ETFA: variants seen among roughly 807,000 people sequenced by gnomAD.
The protein encoded by ETFA is electron transfer flavoprotein subunit alpha.
Under a neutral mutation model 46.2 loss-of-function variants are expected in ETFA, and 22 were observed. That is an observed-to-expected ratio of 0.48 (90% CI 0.34 to 0.68). ETFA has a LOEUF of 0.68. ETFA is among the 30% of genes least tolerant of loss of function. The pLI, the probability that ETFA is intolerant of heterozygous loss-of-function variation, is 0.01. For missense variants in ETFA, 345 were observed against 401.1 expected (o/e 0.86, Z 1.19); for synonymous variants, 131 against 139.9 (o/e 0.94, Z 0.45).
At chr15:76,220,182 T>C (rs1394216932) in intron 11 of ETFA, among the ~76,000 whole-genome samples, 2 of 152,252 alleles carry the variant, frequency 1.3e-5, no homozygotes, top group African/African-American at 4.8e-5. Flanking sequence ...TTCTTCCATC[T>C]CAGCCTCCCG....
rs1233062634 is a variant in ETFA, at chr15:76,247,198, T to TA, written c.817-15801_817-15800insT. Among the ~76,000 whole-genome samples, 47 of 137,602 alleles carry TA rather than the reference T, an allele frequency of 3.4e-4. No individual in the cohort carries two copies. In the East Asian group the frequency reaches 0.011, roughly 32 times the overall value. The allele number at this position is 137,602 out of a possible 152,430, so 90.3% of individuals were successfully genotyped here. A position where few individuals can be genotyped will look rare whatever the true frequency, so the allele number is the denominator to read the frequency against. On this transcript the variant is annotated intron_variant, in intron 9 of 11. Coordinates refer to ENST00000557943, the MANE Select transcript of ETFA (RefSeq NM_000126.4). ...TAAACCCAGGAGTCACTATTCAAAT[T>TA]TAAAAAAACAACTATCAAGGATTTG...
intron 1 of ETFA, among the ~76,000 whole-genome samples, chr15:76,303,710 A>G (rs992359320): frequency 1.3e-5 from 2 of 152,250 alleles, no homozygotes; most frequent in Non-Finnish European, 2.9e-5. Context: ...CTCAACATTA[A>G]CTAATCATTA....
chr15:76,256,864 C>T (rs1049664754), intron 9 of ETFA, among the ~76,000 whole-genome samples: 12 of 152,142 alleles, frequency 7.9e-5, no homozygotes, highest in African/African-American at 2.9e-4. Flanking sequence ...CAATTGTCTA[C>T]AGTATTGAGT....
chr15:76,268,119 G>A (rs1015675272), intron 9 of ETFA, among the ~76,000 whole-genome samples: 1 of 145,532 alleles, frequency 6.9e-6, no homozygotes, highest in Non-Finnish European at 1.5e-5. Context: ...CTTTTACCCC[G>A]CAGTAATTAA....
intron 10 of ETFA, among the ~76,000 whole-genome samples, chr15:76,229,514 C>A (rs2039042895): frequency 6.6e-6 from 1 of 152,216 alleles, no homozygotes; most frequent in Non-Finnish European, 1.5e-5. Flanking sequence ...CAGGCAGAAT[C>A]TTTTATTTTT....
chr15:76,282,677 G>A (rs1034851128), intron 8 of ETFA, among the ~76,000 whole-genome samples: 3 of 152,020 alleles, frequency 2.0e-5, no homozygotes, highest in Non-Finnish European at 2.9e-5. Context: ...TAGAAATTTC[G>A]CACAGGAAAA....
intron 9 of ETFA, among the ~76,000 whole-genome samples, chr15:76,258,028 G>T (rs941078337): frequency 8.3e-6 from 1 of 120,676 alleles, no homozygotes; most frequent in Non-Finnish European, 1.7e-5. Context: ...GTGGGGTGGG[G>T]GGAGGGGGGG....
chr15:76,255,094 A>G (rs964118565), intron 9 of ETFA, among the ~76,000 whole-genome samples: 1 of 152,220 alleles, frequency 6.6e-6, no homozygotes, highest in African/African-American at 2.4e-5. Context: ...AGCAACAACC[A>G]TGTCTAAAGA....
intron 9 of ETFA, among the ~76,000 whole-genome samples, chr15:76,237,552 C>T (rs745928387): frequency 6.6e-6 from 1 of 152,148 alleles, no homozygotes; most frequent in Non-Finnish European, 1.5e-5. Flanking sequence ...CATTCTTGAG[C>T]AAATTATTCA....
At chr15:76,227,102 T>C (rs1181707033) in intron 10 of ETFA, among the ~76,000 whole-genome samples, 1 of 151,858 alleles carries the variant, frequency 6.6e-6, no homozygotes, top group Non-Finnish European at 1.5e-5. Context: ...GCTATAAAAA[T>C]ATTCTTAAAT....
chr15:76,291,261 G>A (rs1179041629), intron 4 of ETFA, among the ~76,000 whole-genome samples: 2 of 151,712 alleles, frequency 1.3e-5, no homozygotes, highest in African/African-American at 2.4e-5. Flanking sequence ...TGGTCAACAC[G>A]GCGAAACCCT....
chr15:76,229,774 A>C (rs558318930), intron 10 of ETFA, among the ~76,000 whole-genome samples: 3 of 152,214 alleles, frequency 2.0e-5, no homozygotes, highest in Admixed American at 6.5e-5. Flanking sequence ...AATTAGAAGA[A>C]GTTAAGCCTG....
intron 9 of ETFA, among the ~76,000 whole-genome samples, chr15:76,249,010 T>C (rs1272572268): frequency 6.6e-6 from 1 of 152,076 alleles, no homozygotes; most frequent in African/African-American, 2.4e-5. Context: ...TGTAAAGATA[T>C]CTCACTAGTA....
At chr15:76,243,167 T>C (rs1049965695) in intron 9 of ETFA, among the ~76,000 whole-genome samples, 1 of 151,988 alleles carries the variant, frequency 6.6e-6, no homozygotes, top group Non-Finnish European at 1.5e-5. Flanking sequence ...TGGTGGCACA[T>C]GCCTGTAGTC....
intron 8 of ETFA, among the ~76,000 whole-genome samples, chr15:76,277,509 A>AC: frequency 6.6e-6 from 1 of 151,956 alleles, no homozygotes; most frequent in Non-Finnish European, 1.5e-5. Context: ...AAAAACAAAA[A>AC]AAAAAAACAA....
At chr15:76,289,902 C>A (rs959241756) in intron 4 of ETFA, among the ~76,000 whole-genome samples, 9 of 152,180 alleles carry the variant, frequency 5.9e-5, no homozygotes, top group Non-Finnish European at 1.0e-4. Flanking sequence ...TAGCTAATGA[C>A]AAACACCCTT....
intron 8 of ETFA, among the ~76,000 whole-genome samples, chr15:76,281,783 C>T (rs891750655): frequency 6.6e-6 from 1 of 152,000 alleles, no homozygotes; most frequent in African/African-American, 2.4e-5. Flanking sequence ...CATCCTAATA[C>T]CCAGAACCTG....
In ETFA at chr15:76,221,003, G is replaced by A. The variant is rs116963810; in HGVS notation, c.964-4406C>T. On this transcript the variant is annotated intron_variant, in intron 11 of 11. Coordinates refer to ENST00000557943, the MANE Select transcript of ETFA (RefSeq NM_000126.4). ...TCCATCCAAAAGAAATGAAAACATA[G>A]GTCTGCACAAAACCTCATATGTGAA... is the stretch of plus-strand genomic sequence containing the variant. Among the ~76,000 whole-genome samples the A allele has an allele frequency of 8.1e-3, 1,236 of 152,178 alleles. 14 individuals are homozygous for A. The highest frequency in any genetic ancestry group is 0.013 in the Non-Finnish European group (869 of 67,998).
At chr15:76,274,094 T>C in intron 9 of ETFA, 2 of 327,484 alleles carry the variant, frequency 6.1e-6, no homozygotes, top group South Asian at 6.8e-5. Context: ...GAAATAAATC[T>C]TATCAATGTG....
Sources: allele counts gnomAD v4.1 joint callset (sites outside exome capture counted in the v4.1 genomes callset), GRCh38; gene constraint gnomAD v4.1.1; transcripts MANE v1.5; gene names NCBI Gene and HGNC (gene_info 2026-07-23, HGNC 2026-07-21).